ADAMTS12: variants seen among roughly 807,000 people sequenced by gnomAD.
The protein encoded by ADAMTS12 is A disintegrin and metalloproteinase with thrombospondin motifs 12.
Under a neutral mutation model 167.8 loss-of-function variants are expected in ADAMTS12, and 118 were observed. The ratio of observed to expected loss-of-function variants is 0.70; its 90% confidence interval spans 0.61 to 0.82. The LOEUF (loss-of-function observed/expected upper bound fraction) is 0.82, where lower values mean the gene tolerates loss of function less well. Ranked by LOEUF, ADAMTS12 falls within the 40% of genes least tolerant of loss-of-function variation. The probability of loss-of-function intolerance (pLI) is 0.00; values close to 1 mark genes in which losing one functional copy is unlikely to be tolerated. For missense variants in ADAMTS12, 1,916 were observed against 1,998.8 expected (o/e 0.96, Z 0.79); for synonymous variants, 704 against 716.9 (o/e 0.98, Z 0.29).
In ADAMTS12 at chr5:33,701,737, C is replaced by A. The variant is rs143459159; in HGVS notation, c.635-17682G>T. On this transcript the variant is annotated intron_variant, in intron 3 of 23. Transcript: ENST00000504830. ...TCTAAATAACCACTCTCAGAGTTGG[C>A]AATCCAGGTAGGGTGGACCCTCGTC... Among the ~76,000 whole-genome samples, 293 of 152,300 alleles carry A rather than the reference C, an allele frequency of 1.9e-3. 1 individual carries two copies. The highest frequency in any genetic ancestry group is 6.7e-3 in the African/African-American group (277 of 41,556).
intron 2 of ADAMTS12, among the ~76,000 whole-genome samples, chr5:33,798,311 A>G (rs1746855439): frequency 6.6e-6 from 1 of 152,038 alleles, no homozygotes; most frequent in South Asian, 2.1e-4. Context: ...TGCTGGAAGT[A>G]CAAGATCAAG....
chr5:33,771,807 T>TGGTC (rs1165723540), intron 2 of ADAMTS12, among the ~76,000 whole-genome samples: 1 of 151,878 alleles, frequency 6.6e-6, no homozygotes, highest in East Asian at 1.9e-4. Context: ...ATGTCCTTTG[T>TGGTC]GGTCCCCTCA....
At chr5:33,683,181 T>C (rs1742194642) in intron 4 of ADAMTS12, 80 bp from the exon 5 acceptor site, 1 of 1,127,546 alleles carries the variant, frequency 8.9e-7, no homozygotes, top group Non-Finnish European at 1.3e-6. Context: ...AGCATTGTAA[T>C]GCACATAAAA....
chr5:33,869,188 G>A (rs1482924613), intron 2 of ADAMTS12, among the ~76,000 whole-genome samples: 2 of 152,106 alleles, frequency 1.3e-5, no homozygotes, highest in Non-Finnish European at 2.9e-5. Flanking sequence ...TGCTCCCTGT[G>A]TCCCAGCCAC....
At chr5:33,579,523 T>C (rs1275664883) in intron 18 of ADAMTS12, among the ~76,000 whole-genome samples, 1 of 151,640 alleles carries the variant, frequency 6.6e-6, no homozygotes, top group Non-Finnish European at 1.5e-5. Context: ...TCTAAAGAAG[T>C]TAGCTTTACT....
chr5:33,549,124 G>C, intron 21 of ADAMTS12, 83 bp downstream of exon 21: 1 of 1,506,038 alleles, frequency 6.6e-7, no homozygotes, highest in South Asian at 1.3e-5. Flanking sequence ...GGTCTTCCCT[G>C]ATTTCTACAC....
intron 2 of ADAMTS12, among the ~76,000 whole-genome samples, chr5:33,759,556 T>C (rs1345557935): frequency 6.6e-6 from 1 of 152,196 alleles, no homozygotes; most frequent in Non-Finnish European, 1.5e-5. Context: ...CTTCAGTCAA[T>C]CTGCTGTCTC....
chr5:33,832,151 G>C (rs1748325628), intron 2 of ADAMTS12, among the ~76,000 whole-genome samples: 1 of 152,184 alleles, frequency 6.6e-6, no homozygotes. Context: ...AACAGTATCT[G>C]CAGTTTGATT....
chr5:33,643,379 T>A lies in ADAMTS12; in HGVS notation c.1571A>T (p.Lys524Met). The A allele has an allele frequency of 6.2e-7, 1 of 1,614,098 alleles. No homozygotes were observed. The highest frequency in any genetic ancestry group is 1.3e-5 in the African/African-American group (1 of 75,068). Residue 524 changes from lysine (K) to methionine (M), a missense_variant and splice_region_variant, in exon 10 of 24, where the codon AAG (lysine) becomes ATG (methionine). Coordinates refer to ENST00000504830, the MANE Select transcript of ADAMTS12 (RefSeq NM_030955.4). ...AADGTQCGEK[K>M]WCMAGKCITV... The stretch of plus-strand genomic sequence containing the variant: ...TCATTCCTCGGCCTGACGCATCACC[T>A]TCTTCTCACCACATTGAGTTCCATC...
chr5:33,715,010 C>A (rs1743553163), intron 3 of ADAMTS12, among the ~76,000 whole-genome samples: 1 of 151,832 alleles, frequency 6.6e-6, no homozygotes, highest in Non-Finnish European at 1.5e-5. Context: ...TCCTGAATAC[C>A]CTGATTTGAT....
At chr5:33,559,150 A>G (rs1745620239) in intron 20 of ADAMTS12, among the ~76,000 whole-genome samples, 1 of 152,142 alleles carries the variant, frequency 6.6e-6, no homozygotes, top group Non-Finnish European at 1.5e-5. Flanking sequence ...TCTTCACTAG[A>G]TGAAGAAACA....
At chr5:33,838,163 T>C (rs1748606497) in intron 2 of ADAMTS12, among the ~76,000 whole-genome samples, 1 of 152,182 alleles carries the variant, frequency 6.6e-6, no homozygotes, top group South Asian at 2.1e-4. Context: ...GCAATGACTA[T>C]GCACATTTAA....
In ADAMTS12 at chr5:33,891,723, C is replaced by CT; in HGVS notation, c.127+6_127+7insA. 6.2e-7 allele frequency: 1 copy of CT among 1,614,076 alleles called. No individual in the cohort carries two copies. The highest frequency in any genetic ancestry group is 8.5e-7 in the Non-Finnish European group (1 of 1,180,006). On this transcript the variant is annotated splice_region_variant and intron_variant, in intron 1 of 23. Transcript: ENST00000504830. ...GTTTTAAAAAGAAATAAAGAAGAGT[C>CT]ACTAACCTTGCCTCCTGTCCGGGAA...
chr5:33,545,477 G>C (rs999675340), intron 22 of ADAMTS12, among the ~76,000 whole-genome samples: 1 of 152,178 alleles, frequency 6.6e-6, no homozygotes, highest in Non-Finnish European at 1.5e-5. Context: ...TCTAGAACTA[G>C]AAATACCATT....
chr5:33,619,783 C>T (rs1404273504), intron 14 of ADAMTS12, among the ~76,000 whole-genome samples: 1 of 152,184 alleles, frequency 6.6e-6, no homozygotes, highest in East Asian at 1.9e-4. Context: ...CAACCTCCGC[C>T]TCTTGGGTTC....
chr5:33,582,483 T>C (rs1402346104), intron 18 of ADAMTS12, among the ~76,000 whole-genome samples: 1 of 152,226 alleles, frequency 6.6e-6, no homozygotes, highest in Non-Finnish European at 1.5e-5. Flanking sequence ...CTAGCTTTGC[T>C]TCCCACTTAG....
intron 18 of ADAMTS12, among the ~76,000 whole-genome samples, chr5:33,581,879 T>C (rs1457889391): frequency 6.6e-6 from 1 of 152,010 alleles, no homozygotes; most frequent in East Asian, 1.9e-4. Flanking sequence ...AGGTAGAATG[T>C]CATGTGAAGA....
intron 3 of ADAMTS12, among the ~76,000 whole-genome samples, chr5:33,688,458 A>C (rs1422123966): frequency 2.0e-5 from 3 of 152,224 alleles, no homozygotes; most frequent in African/African-American, 7.2e-5. Flanking sequence ...AAGTCCTAGA[A>C]GATCCCTGGA....
intron 2 of ADAMTS12, among the ~76,000 whole-genome samples, chr5:33,752,511 A>C (rs1161454756): frequency 6.6e-6 from 1 of 152,190 alleles, no homozygotes; most frequent in Non-Finnish European, 1.5e-5. Flanking sequence ...GAAAAATAGG[A>C]TAAATCAAGG....
Sources: gnomAD v4.1 joint callset for allele counts (sites outside exome capture counted in the v4.1 genomes callset) on GRCh38, gnomAD v4.1.1 for gene constraint, MANE v1.5 for transcripts, NCBI Gene and HGNC (gene_info 2026-07-23, HGNC 2026-07-21) for gene names.